Variants in PAX5 observed in about 807,000 individuals in gnomAD.
PAX5 encodes the protein paired box protein Pax-5.
PAX5 carries 9 observed loss-of-function variants against 43.7 expected under a neutral mutation model. That is an observed-to-expected ratio of 0.21 (90% CI 0.12 to 0.36). The LOEUF is 0.36. Among genes scored for constraint, PAX5 ranks in the 10% least tolerant of loss-of-function variants. The pLI is 1.00. For synonymous variants in PAX5, 228 were observed against 214.3 expected (o/e 1.06, Z -0.56); for missense variants, 383 against 532.7 (o/e 0.72, Z 2.77).
intron 7 of PAX5, among the ~76,000 whole-genome samples, chr9:36,900,541 T>A (rs567258049): frequency 6.6e-6 from 1 of 152,288 alleles, no homozygotes; most frequent in Admixed American, 6.5e-5. Flanking sequence ...AATTCTGTTG[T>A]TTACAGTGAA....
At chr9:36,921,192 T>A (rs915783464) in intron 7 of PAX5, among the ~76,000 whole-genome samples, 6 of 152,186 alleles carry the variant, frequency 3.9e-5, no homozygotes, top group African/African-American at 1.4e-4. Context: ...TATTGCAGTA[T>A]CCTGGAACCA....
At chr9:36,936,854 A>G (rs1410034070) in intron 6 of PAX5, among the ~76,000 whole-genome samples, 8 of 146,984 alleles carry the variant, frequency 5.4e-5, no homozygotes, top group Admixed American at 2.0e-4. Flanking sequence ...ACACATGCAC[A>G]CACACACACA....
At chr9:36,932,759 AGT>A (rs1254641846) in intron 6 of PAX5, among the ~76,000 whole-genome samples, 2 of 152,050 alleles carry the variant, frequency 1.3e-5, no homozygotes, top group Admixed American at 1.3e-4. Context: ...AGATAAGTGG[AGT>A]GTGTCGGGGG....
At chr9:36,854,117 G>C (rs1204599528) in intron 8 of PAX5, among the ~76,000 whole-genome samples, 1 of 152,248 alleles carries the variant, frequency 6.6e-6, no homozygotes. Flanking sequence ...TCTTTGCAGA[G>C]GAGGAGGAGG....
chr9:36,936,116 G>A (rs1831533802), intron 6 of PAX5, among the ~76,000 whole-genome samples: 1 of 152,244 alleles, frequency 6.6e-6, no homozygotes, highest in African/African-American at 2.4e-5. Context: ...CTATTTGCAA[G>A]CTCACAGGTC....
chr9:36,852,921 G>A (rs532573090), intron 8 of PAX5, among the ~76,000 whole-genome samples: 31 of 152,286 alleles, frequency 2.0e-4, no homozygotes, highest in African/African-American at 6.0e-4. Context: ...GGAACACCTC[G>A]TTGAGCTGGG....
rs116364700 is a variant in PAX5 at position 36,888,577 on chromosome 9, A to T, written c.911-6472T>A. On this transcript the variant is annotated intron_variant, in intron 7 of 9. Coordinates refer to ENST00000358127, the MANE Select transcript of PAX5 (RefSeq NM_016734.3). Reference sequence around the variant, plus strand: ...ACAAATGTCCAAGATAGGCAAATCTACCGACAAAAGGTAGATTCGTGATTG... The same window carrying T: ...ACAAATGTCCAAGATAGGCAAATCTTCCGACAAAAGGTAGATTCGTGATTG... Among the ~76,000 whole-genome samples the T allele has an allele frequency of 3.5e-3, 537 of 152,340 alleles. 1 individual carries two copies. Among genetic ancestry groups the T allele is most frequent in the African/African-American group, 0.012 (519 of 41,586 alleles).
intron 6 of PAX5, among the ~76,000 whole-genome samples, chr9:36,944,805 T>C (rs575224423): frequency 6.6e-6 from 1 of 152,252 alleles, no homozygotes; most frequent in Non-Finnish European, 1.5e-5. Flanking sequence ...TGAATGGCTT[T>C]ATCCGGTAAT....
chr9:36,969,439 C>T lies in PAX5; in HGVS notation c.605-2715G>A, dbSNP rs116952573. On this transcript the variant is annotated intron_variant, in intron 5 of 9. Coordinates refer to ENST00000358127, the MANE Select transcript of PAX5 (RefSeq NM_016734.3). ...AGAGAGGGTGGCTCCACTGAGGGCC[C>T]CTGGGGGCAAGGTCACTGTCTGGTC... Among the ~76,000 whole-genome samples the T allele has an allele frequency of 1.9e-3, 297 of 152,362 alleles. 1 individual carries two copies. In the East Asian group the frequency reaches 0.027, roughly 14 times the overall value.
chr9:36,951,707 T>C (rs1262198971), intron 6 of PAX5, among the ~76,000 whole-genome samples: 1 of 152,228 alleles, frequency 6.6e-6, no homozygotes, highest in African/African-American at 2.4e-5. Context: ...ACTACTCAAA[T>C]ATTTTTATTT....
intron 5 of PAX5, among the ~76,000 whole-genome samples, chr9:37,001,567 C>A (rs925222764): frequency 3.9e-5 from 6 of 152,204 alleles, no homozygotes; most frequent in African/African-American, 1.4e-4. Flanking sequence ...CCCCACACAC[C>A]CCCACGGTTC....
intron 5 of PAX5, among the ~76,000 whole-genome samples, chr9:36,977,822 C>T (rs1835574419): frequency 1.3e-5 from 2 of 152,154 alleles, no homozygotes; most frequent in South Asian, 4.1e-4. Flanking sequence ...ATGGAGTTAG[C>T]CAAAGAAATG....
intron 6 of PAX5, among the ~76,000 whole-genome samples, chr9:36,941,991 T>C (rs1434910075): frequency 2.6e-5 from 4 of 152,220 alleles, no homozygotes; most frequent in Non-Finnish European, 4.4e-5. Flanking sequence ...GTAAAAATAA[T>C]AATAGCAGCA....
In PAX5 at chr9:37,034,176, C is replaced by G. The variant is rs1294497201; in HGVS notation, c.-145G>C. 7 of 618,370 alleles carry G rather than the reference C, an allele frequency of 1.1e-5. No individual in the cohort carries two copies. The highest frequency in any genetic ancestry group is 2.8e-5 in the East Asian group (1 of 36,164). 38.3% of individuals were successfully genotyped at this position (618,370 alleles called of 1,614,324 possible). A position where few individuals can be genotyped will look rare whatever the true frequency, so the allele number is the denominator to read the frequency against. ...GGAATAATTCAAGCCTTCCGCTCCC[C>G]CGCCGAGCTGGGGTAGCTGATCACT... On this transcript the variant is annotated 5_prime_UTR_variant, in exon 1 of 10. Transcript: ENST00000358127.
chr9:36,841,622 C>G (rs1356318054), intron 9 of PAX5, among the ~76,000 whole-genome samples: 2 of 152,218 alleles, frequency 1.3e-5, no homozygotes, highest in African/African-American at 2.4e-5. Flanking sequence ...GGGAGTCTGT[C>G]CCCAGTTCCA....
At chr9:36,967,372 A>G (rs1834536928) in intron 5 of PAX5, among the ~76,000 whole-genome samples, 2 of 152,216 alleles carry the variant, frequency 1.3e-5, no homozygotes, top group South Asian at 4.1e-4. Flanking sequence ...TTACAGCTCA[A>G]CTTACACATG....
rs914584053 is a variant in PAX5, at chr9:36,965,968, G to A, written c.780+581C>T. Among the ~76,000 whole-genome samples the A allele has an allele frequency of 1.2e-4, 18 of 152,244 alleles. No homozygotes were observed. In the East Asian group the frequency reaches 3.5e-3, roughly 29 times the overall value. On this transcript the variant is annotated intron_variant, in intron 6 of 9. Coordinates refer to ENST00000358127, the MANE Select transcript of PAX5 (RefSeq NM_016734.3). ...CCAGGGTATAGCAGACAGCCGGTCA[G>A]CCAGGGCTGGTCCTCCTGCTTTCTC...
intron 6 of PAX5, among the ~76,000 whole-genome samples, chr9:36,941,864 G>C (rs1832083345): frequency 6.6e-6 from 1 of 152,210 alleles, no homozygotes; most frequent in South Asian, 2.1e-4. Context: ...AGGCTCACTG[G>C]ATGATGCAGG....
chr9:36,914,327 CTTTGT>C (rs947940812), intron 7 of PAX5, among the ~76,000 whole-genome samples: 6 of 152,150 alleles, frequency 3.9e-5, no homozygotes, highest in African/African-American at 1.4e-4. Context: ...AAAGCTTGTA[CTTTGT>C]TTTACTTGGA....
Sources: gnomAD v4.1 joint callset for allele counts (sites outside exome capture counted in the v4.1 genomes callset) on GRCh38, gnomAD v4.1.1 for gene constraint, MANE v1.5 for transcripts, NCBI Gene and HGNC (gene_info 2026-07-23, HGNC 2026-07-21) for gene names.